Variants in TEK observed in about 807,000 individuals in gnomAD.
TEK encodes angiopoietin-1 receptor.
TEK carries 43 observed loss-of-function variants against 131.8 expected under a neutral mutation model. The ratio of observed to expected loss-of-function variants is 0.33; its 90% CI spans 0.26 to 0.42. The LOEUF is 0.42. TEK is among the 10% of genes least tolerant of loss of function. The probability of loss-of-function intolerance (pLI) is 1.00; values close to 1 mark genes in which losing one functional copy is unlikely to be tolerated. For missense variants in TEK, 1,162 were observed against 1,384.4 expected (o/e 0.84, Z 2.55); for synonymous variants, 580 against 491.6 (o/e 1.18, Z -2.38).
intron 9 of TEK, among the ~76,000 whole-genome samples, chr9:27,187,142 G>A (rs1824629521): frequency 6.6e-6 from 1 of 152,162 alleles, no homozygotes; most frequent in Non-Finnish European, 1.5e-5. Flanking sequence ...ATACACAGAA[G>A]AGTCACTGGG....
intron 1 of TEK, among the ~76,000 whole-genome samples, chr9:27,130,622 A>G (rs1822172371): frequency 6.7e-6 from 1 of 148,874 alleles, no homozygotes; most frequent in South Asian, 2.1e-4. Context: ...AAAAGATTAA[A>G]GTACTTTTTT....
intron 1 of TEK, among the ~76,000 whole-genome samples, chr9:27,140,396 GAAA>G (rs59569720): frequency 0.28 from 32,226 of 113,346 alleles, 3,699 homozygotes; most frequent in Admixed American, 0.38. Flanking sequence ...TAGCAAAAAA[GAAA>G]AAAAAAAAAA....
At chr9:27,175,553 G>A (rs1824135642) in intron 6 of TEK, among the ~76,000 whole-genome samples, 1 of 152,124 alleles carries the variant, frequency 6.6e-6, no homozygotes, top group East Asian at 1.9e-4. Context: ...GATCTCTGAG[G>A]AATCGCCACA....
At chr9:27,205,316 C>T (rs1018902094) in intron 14 of TEK, among the ~76,000 whole-genome samples, 1 of 152,000 alleles carries the variant, frequency 6.6e-6, no homozygotes, top group African/African-American at 2.4e-5. Flanking sequence ...CTAGGTCTGC[C>T]CCTGCCTGCT....
intron 9 of TEK, among the ~76,000 whole-genome samples, chr9:27,189,733 G>GATC: frequency 6.6e-6 from 1 of 152,118 alleles, no homozygotes; most frequent in African/African-American, 2.4e-5. Flanking sequence ...GGAAACAGAT[G>GATC]GTCTCCTAAG....
At position 27,192,503 on chromosome 9, in the gene TEK, G is replaced by T; in HGVS notation, c.1504G>T (p.Val502Phe). Residue 502 changes from valine (V) to phenylalanine (F), a missense_variant, in exon 11 of 23, where the codon GTT (valine) becomes TTT (phenylalanine). Physicochemically the swap from Val to Phe is conservative, Grantham distance 50. Around this residue, in one of 6 missense-constraint regions of TEK, gnomAD observed 477 missense variants for 471.0 expected, o/e 1.01. Transcript: ENST00000380036. ...TCTCTTCTCAGTGACAAATGAGATT[G>T]TTACACTCAACTATTTGGAACCTCG... is the stretch of plus-strand genomic sequence containing the variant. ...WQHIQVTNEI[V>F]TLNYLEPRTE... The T allele has an allele frequency of 6.2e-7, 1 of 1,613,636 alleles. No individual in the cohort carries two copies. Among genetic ancestry groups the T allele is most frequent in the African/African-American group, 1.3e-5 (1 of 74,996 alleles).
chr9:27,192,417 A>G, intron 10 of TEK, 72 bp from the exon 11 acceptor site: 9 of 1,593,866 alleles, frequency 5.6e-6, no homozygotes, highest in Non-Finnish European at 7.7e-6. Context: ...TCACATCGCA[A>G]TAACAACAAC....
rs79684799 is a variant in TEK, at chr9:27,202,046, T to C, written c.1910-774T>C. 3.3e-3 allele frequency among the ~76,000 whole-genome samples: 501 copies of C among 152,326 alleles called. 16 individuals carry two copies. In the East Asian group the frequency reaches 0.047, roughly 14 times the overall value. On this transcript the variant is annotated intron_variant, in intron 12 of 22. Transcript: ENST00000380036. ...TGGATCAAATAGGCTTAGCCTTTAT[T>C]GGATCACGAACTTCCCTTCTAGCCT...
In TEK at chr9:27,219,574, C is replaced by T. The variant is rs139582010; in HGVS notation, c.3104-475C>T. 6.9e-4 allele frequency among the ~76,000 whole-genome samples: 105 copies of T among 152,102 alleles called. 3 individuals carry two copies. The East Asian group carries it at 0.018, about 26-fold the overall frequency. On this transcript the variant is annotated intron_variant, in intron 20 of 22. Transcript: ENST00000380036. ...AACCTAGATGATGGGTCGATAGGTGCAGCAAACCACCCACCATGGCACATG... is the reference window on the plus strand; with the variant it reads ...AACCTAGATGATGGGTCGATAGGTGTAGCAAACCACCCACCATGGCACATG...
chr9:27,202,784 T>C (rs957984812), intron 12 of TEK, 36 bp from the exon 13 acceptor site: 21 of 1,599,726 alleles, frequency 1.3e-5, no homozygotes, highest in Non-Finnish European at 1.7e-5. Context: ...CATGGTAGTA[T>C]ATCTTAAGTG....
intron 18 of TEK, among the ~76,000 whole-genome samples, chr9:27,215,612 T>G (rs1825796957): frequency 6.6e-6 from 1 of 151,510 alleles, no homozygotes; most frequent in African/African-American, 2.4e-5. Flanking sequence ...CTGGAAGTAT[T>G]ACTGCAAACT....
chr9:27,145,068 G>C (rs1421984218), intron 1 of TEK, among the ~76,000 whole-genome samples: 4 of 152,136 alleles, frequency 2.6e-5, no homozygotes, highest in African/African-American at 9.7e-5. Context: ...CTTTGGGTTA[G>C]GTTAGGTGAG....
At chr9:27,156,314 A>T (rs1823329617) in intron 1 of TEK, among the ~76,000 whole-genome samples, 1 of 152,124 alleles carries the variant, frequency 6.6e-6, no homozygotes, top group South Asian at 2.1e-4. Context: ...TATACAGAAC[A>T]TTTGGAGTTT....
chr9:27,211,610 A>AT, intron 16 of TEK, among the ~76,000 whole-genome samples: 1 of 151,848 alleles, frequency 6.6e-6, no homozygotes, highest in East Asian at 1.9e-4. Flanking sequence ...ACAGGGATGC[A>AT]CCACCATGCT....
At chr9:27,170,300 C>G (rs1015497775) in intron 4 of TEK, among the ~76,000 whole-genome samples, 1 of 152,104 alleles carries the variant, frequency 6.6e-6, no homozygotes, top group Non-Finnish European at 1.5e-5. Context: ...CACAGCCAAA[C>G]CATACCAGAC....
chr9:27,183,473 A>G lies in TEK; in HGVS notation c.1045A>G (p.Thr349Ala), dbSNP rs1370820069. Reference protein sequence around the residue: ...QCEREGIQRMTPKIVDLPDHI... With the variant: ...QCEREGIQRMAPKIVDLPDHI... ...TCTTCCTTCAGGCATACAGAGGATG[A>G]CCCCAAAGATAGTGGATTTGCCAGA... Residue 349 changes from threonine (T) to alanine (A), a missense_variant, in exon 8 of 23, where the codon ACC becomes GCC. Around this residue, in one of 6 missense-constraint regions of TEK, gnomAD observed 436 missense variants for 539.1 expected, o/e 0.81. Transcript: ENST00000380036. The G allele has an allele frequency of 9.9e-6, 16 of 1,613,670 alleles. No homozygotes were observed. The highest frequency in any genetic ancestry group is 1.4e-5 in the Non-Finnish European group (16 of 1,179,800).
At chr9:27,119,877 CTG>C (rs1184124658) in intron 1 of TEK, among the ~76,000 whole-genome samples, 1 of 124,426 alleles carries the variant, frequency 8.0e-6, no homozygotes, top group Non-Finnish European at 1.7e-5. Flanking sequence ...ATCCTGGTGT[CTG>C]TGTGCACATG....
chr9:27,151,799 G>A (rs996737532), intron 1 of TEK, among the ~76,000 whole-genome samples: 5 of 152,232 alleles, frequency 3.3e-5, no homozygotes, highest in Admixed American at 3.3e-4. Context: ...TGCGTGGTAA[G>A]TGAATGAATG....
chr9:27,173,189 G>A, intron 5 of TEK, 33 bp from the exon 6 acceptor site: 2 of 1,613,586 alleles, frequency 1.2e-6, no homozygotes, highest in Non-Finnish European at 1.7e-6. Context: ...TTGCATATTT[G>A]ACTCTGAATC....
Sources: allele counts gnomAD v4.1 joint callset (sites outside exome capture counted in the v4.1 genomes callset), GRCh38; gene constraint gnomAD v4.1.1; regional missense constraint gnomAD v4.1.1; transcripts MANE v1.5; gene names NCBI Gene and HGNC (gene_info 2026-07-23, HGNC 2026-07-21).